The following SPART variants were observed in gnomAD, a reference collection of about 807,000 sequenced individuals.
The protein encoded by SPART is spastic paraplegia 20 (Troyer syndrome).
A neutral mutation model predicts 58.7 loss-of-function variants in SPART; 35 were observed. That is an observed-to-expected ratio of 0.60 (90% CI 0.46 to 0.79). The LOEUF is 0.79. SPART is among the 30% of genes least tolerant of loss of function. SPART has a pLI of 0.00. For synonymous variants in SPART, 284 were observed against 280.7 expected (o/e 1.01, Z -0.12); for missense variants, 730 against 786.1 (o/e 0.93, Z 0.85).
At chr13:36,331,148 G>C (rs1250717516) in intron 3 of SPART, among the ~76,000 whole-genome samples, 2 of 152,172 alleles carry the variant, frequency 1.3e-5, no homozygotes, top group African/African-American at 2.4e-5. Context: ...GAGAAGATCA[G>C]GAACAGCTGA....
intron 8 of SPART, among the ~76,000 whole-genome samples, chr13:36,310,247 A>G (rs1280263378): frequency 6.6e-6 from 1 of 152,194 alleles, no homozygotes; most frequent in Non-Finnish European, 1.5e-5. Context: ...AACATAAATA[A>G]CCACGAGTTG....
At position 36,335,309 on chromosome 13, in the gene SPART, A is replaced by G. The variant is rs775081532; in HGVS notation, c.522T>C (p.Tyr174=). Residue 174 remains tyrosine, a synonymous_variant, in exon 2 of 9, where the codon TAT becomes TAC. Transcript: ENST00000438666. ...QSCPAEAPPA[Y]TPQAAEGHYT... ...AGTGACCTTCAGCAGCTTGAGGAGT[A>G]TAAGCAGGAGGAGCTTCTGCTGGAC... The G allele has an allele frequency of 9.3e-6, 15 of 1,613,984 alleles. No homozygotes were observed. The highest frequency in any genetic ancestry group is 1.3e-5 in the Non-Finnish European group (15 of 1,179,988).
intron 1 of SPART, among the ~76,000 whole-genome samples, chr13:36,364,292 C>T (rs1417396061): frequency 6.6e-6 from 1 of 152,188 alleles, no homozygotes; most frequent in African/African-American, 2.4e-5. Flanking sequence ...TTTATCTGTA[C>T]CATGAGCTCC....
chr13:36,312,614 G>A, intron 6 of SPART, 137 bp from the exon 7 acceptor site: 1 of 991,980 alleles, frequency 1.0e-6, no homozygotes, highest in South Asian at 1.5e-5. Flanking sequence ...TTAAGGATAT[G>A]AAGCTTAGAG....
chr13:36,363,019 T>A (rs2025647), intron 1 of SPART, among the ~76,000 whole-genome samples: 83,467 of 151,208 alleles, frequency 0.55, 23,973 homozygotes, highest in African/African-American at 0.73. Flanking sequence ...ATATTTTTTT[T>A]AAAAAAAAGA....
chr13:36,312,050 G>A, intron 8 of SPART, 95 bp downstream of exon 8: 1 of 1,162,748 alleles, frequency 8.6e-7, no homozygotes, highest in East Asian at 2.4e-5. Context: ...TCGCGCCATT[G>A]CACTCCAGCT....
intron 1 of SPART, among the ~76,000 whole-genome samples, chr13:36,367,862 A>C (rs939070361): frequency 3.3e-5 from 5 of 152,206 alleles, no homozygotes; most frequent in African/African-American, 1.2e-4. Flanking sequence ...AAATATAGTA[A>C]TAGACACAAA....
chr13:36,353,912 G>A (rs775623104), intron 1 of SPART, among the ~76,000 whole-genome samples: 32 of 152,278 alleles, frequency 2.1e-4, no homozygotes, highest in Non-Finnish European at 3.4e-4. Flanking sequence ...TAACTCCAAG[G>A]CCTAGACAGA....
At chr13:36,304,722 T>G in intron 8 of SPART, 90 bp from the exon 9 acceptor site, 1 of 1,399,098 alleles carries the variant, frequency 7.1e-7, no homozygotes. Flanking sequence ...AAATGATTAC[T>G]GTGTTACCCC....
intron 1 of SPART, among the ~76,000 whole-genome samples, chr13:36,351,844 C>T (rs1885422404): frequency 6.6e-6 from 1 of 151,908 alleles, no homozygotes; most frequent in Non-Finnish European, 1.5e-5. Flanking sequence ...TTTTTCTTTT[C>T]ATCTATTATA....
chr13:36,366,558 T>A (rs1886062273), intron 1 of SPART, among the ~76,000 whole-genome samples: 1 of 152,252 alleles, frequency 6.6e-6, no homozygotes, highest in Non-Finnish European at 1.5e-5. Flanking sequence ...CCATTTCTGA[T>A]ACTCAACTCA....
intron 5 of SPART, among the ~76,000 whole-genome samples, chr13:36,320,604 T>C (rs1463180127): frequency 1.3e-5 from 2 of 152,302 alleles, no homozygotes; most frequent in African/African-American, 4.8e-5. Flanking sequence ...TCAGGGATTA[T>C]TCAGGCCCCC....
chr13:36,349,428 G>GTATCCAAA (rs1262631285), upstream of SPART, among the ~76,000 whole-genome samples: 1 of 152,140 alleles, frequency 6.6e-6, no homozygotes, highest in Non-Finnish European at 1.5e-5. Flanking sequence ...GAATTACCTG[G>GTATCCAAA]CATCCAAACA....
intron 1 of SPART, among the ~76,000 whole-genome samples, chr13:36,368,666 A>G (rs1010138826): frequency 3.9e-5 from 6 of 152,200 alleles, no homozygotes; most frequent in African/African-American, 1.4e-4. Context: ...TAAAAATCTT[A>G]ATATATTACA....
At chr13:36,361,323 A>C (rs1885851286) in intron 1 of SPART, among the ~76,000 whole-genome samples, 1 of 152,186 alleles carries the variant, frequency 6.6e-6, no homozygotes, top group Non-Finnish European at 1.5e-5. Context: ...AGAATACATA[A>C]ATTTTTCAAA....
intron 2 of SPART, among the ~76,000 whole-genome samples, chr13:36,331,903 TAATC>T (rs1178880138): frequency 4.6e-5 from 7 of 152,194 alleles, no homozygotes; most frequent in Non-Finnish European, 1.5e-5. Flanking sequence ...AAATAAATAA[TAATC>T]AAAGTAAATT....
intron 1 of SPART, among the ~76,000 whole-genome samples, chr13:36,367,736 G>A (rs987643629): frequency 1.3e-5 from 2 of 152,202 alleles, no homozygotes; most frequent in Admixed American, 1.3e-4. Context: ...CTAAGCAAGT[G>A]AGCGGGAAGC....
chr13:36,329,612 T>C, intron 3 of SPART, 95 bp from the exon 4 acceptor site: 1 of 1,298,828 alleles, frequency 7.7e-7, no homozygotes. Context: ...GACATACTTG[T>C]TTGAATGTCA....
chr13:36,307,455 A>G (rs1880628421), intron 8 of SPART, among the ~76,000 whole-genome samples: 1 of 152,128 alleles, frequency 6.6e-6, no homozygotes, highest in South Asian at 2.1e-4. Context: ...ACTTAACTAT[A>G]GCATAGTACC....
Sources: gnomAD v4.1 joint callset for allele counts (sites outside exome capture counted in the v4.1 genomes callset) on GRCh38, gnomAD v4.1.1 for gene constraint, MANE v1.5 for transcripts, NCBI Gene and HGNC (gene_info 2026-07-23, HGNC 2026-07-21) for gene names.